Variants in CRIM1 observed in about 807,000 individuals in gnomAD.
The protein encoded by CRIM1 is cysteine-rich motor neuron 1 protein.
CRIM1 carries 32 observed loss-of-function variants against 116.4 expected under a neutral mutation model. The observed-to-expected ratio is 0.27, with a 90% CI of 0.21 to 0.37. The LOEUF is 0.37. Among genes scored for constraint, CRIM1 ranks in the 10% least tolerant of loss-of-function variants. CRIM1 has a pLI of 1.00. For missense variants in CRIM1, 1,331 were observed against 1,354.8 expected (o/e 0.98, Z 0.28); for synonymous variants, 590 against 509.2 (o/e 1.16, Z -2.13).
intron 4 of CRIM1, among the ~76,000 whole-genome samples, chr2:36,456,704 T>A (rs1677160445): frequency 6.6e-6 from 1 of 152,180 alleles, no homozygotes; most frequent in South Asian, 2.1e-4. Flanking sequence ...TTCTGCCAGA[T>A]CCCAGCTGTA....
chr2:36,490,676 G>A (rs3899034), intron 7 of CRIM1, among the ~76,000 whole-genome samples: 34,584 of 151,982 alleles, frequency 0.23, 4,200 homozygotes, highest in South Asian at 0.39. Context: ...ACTTCTGGGA[G>A]AGCTGGATCC....
In CRIM1 at chr2:36,537,556, C is replaced by G; in HGVS notation, c.2623+10C>G. 6.3e-7 allele frequency: 1 copy of G among 1,588,094 alleles called. No individual in the cohort carries two copies. ...TGCCCAATGTGTCCAGGTATCTAAG[C>G]CACCATCCTTCCATTTGTCAAGCTG... On this transcript the variant is annotated intron_variant, in intron 14 of 16. Transcript: ENST00000280527.
chr2:36,427,433 C>G (rs1674543008), intron 2 of CRIM1, among the ~76,000 whole-genome samples: 1 of 152,130 alleles, frequency 6.6e-6, no homozygotes, highest in Non-Finnish European at 1.5e-5. Flanking sequence ...AGCAGAGAAG[C>G]ACTGTTTGAA....
chr2:36,363,363 A>G (rs373795033), intron 1 of CRIM1, among the ~76,000 whole-genome samples: 39 of 152,274 alleles, frequency 2.6e-4, no homozygotes, highest in African/African-American at 8.4e-4. Flanking sequence ...CACATGGAAC[A>G]TGCTTACTAA....
rs1466489669 is a variant in CRIM1, at chr2:36,499,234, C to T, written c.1388C>T (p.Thr463Ile). The T allele has an allele frequency of 6.2e-7, 1 of 1,611,000 alleles. No homozygotes were observed. Among genetic ancestry groups the T allele is most frequent in the Admixed American group, 1.7e-5 (1 of 59,972 alleles). The change falls in exon 8 of 17, where the codon ACA becomes ATA. Residue 463 changes from threonine (T) to isoleucine (I), a missense_variant. Thr to Ile is a moderately conservative substitution (Grantham distance 89). Coordinates refer to ENST00000280527, the MANE Select transcript of CRIM1 (RefSeq NM_016441.3). ...CPVCEEPTII[T>I]VDPPACGELS... The stretch of plus-strand genomic sequence containing the variant: ...TTATTATTAGAACCAACCATCATCA[C>T]AGTTGATCCACCTGCATGTGGGGAG...
At chr2:36,369,340 G>T (rs1167594430) in intron 1 of CRIM1, 1 of 152,192 alleles carries the variant, frequency 6.6e-6, no homozygotes, top group Non-Finnish European at 1.5e-5. Flanking sequence ...GTGCCTGCTG[G>T]ATCTCAAGTG....
intron 8 of CRIM1, among the ~76,000 whole-genome samples, chr2:36,504,118 C>T (rs1281988406): frequency 6.6e-6 from 1 of 152,132 alleles, no homozygotes; most frequent in Admixed American, 6.5e-5. Flanking sequence ...AAGCAATCTG[C>T]CCGACTCGAT....
At chr2:36,424,008 A>C (rs2124872065) in intron 2 of CRIM1, among the ~76,000 whole-genome samples, 1 of 152,226 alleles carries the variant, frequency 6.6e-6, no homozygotes, top group African/African-American at 2.4e-5. Flanking sequence ...AAAAAAAGAG[A>C]TTTAAGAATA....
Position 36,548,533 on chromosome 2 carries a change from C to T in CRIM1, c.2943C>T (p.Ser981=). The T allele has an allele frequency of 1.3e-6, 2 of 1,566,640 alleles. No individual in the cohort carries two copies. The highest frequency in any genetic ancestry group is 1.7e-6 in the Non-Finnish European group (2 of 1,163,546). Residue 981 remains serine (S), a synonymous_variant, in exon 17 of 17, where the codon TCC becomes TCT. Transcript: ENST00000280527. ...CWYRTPTKPS[S]LNNQLVSVDC... is the part of the protein sequence containing the mutation. The stretch of plus-strand genomic sequence containing the variant: ...CTCCTCTCATTAAATAGCCTTCTTC[C>T]TTAAATAATCAGCTAGTATCTGTGG...
At chr2:36,380,042 AT>A (rs1670623067) in intron 1 of CRIM1, among the ~76,000 whole-genome samples, 1 of 152,108 alleles carries the variant, frequency 6.6e-6, no homozygotes, top group Admixed American at 6.5e-5. Flanking sequence ...TATGCTTCTT[AT>A]GACTCTGATG....
intron 14 of CRIM1, among the ~76,000 whole-genome samples, chr2:36,539,379 G>C (rs950457385): frequency 2.0e-5 from 3 of 152,330 alleles, no homozygotes; most frequent in African/African-American, 7.2e-5. Flanking sequence ...AGGTAACTCA[G>C]TGAGCATGGA....
chr2:36,422,731 A>G (rs1572696621), intron 2 of CRIM1, among the ~76,000 whole-genome samples: 1 of 152,244 alleles, frequency 6.6e-6, no homozygotes, highest in African/African-American at 2.4e-5. Context: ...TGACAGTTTT[A>G]TTCCTGGGAT....
chr2:36,452,881 C>A (rs1466355079), intron 4 of CRIM1, among the ~76,000 whole-genome samples: 1 of 152,114 alleles, frequency 6.6e-6, no homozygotes, highest in African/African-American at 2.4e-5. Flanking sequence ...ATTCCGTAAG[C>A]CTTTCAGTAA....
intron 1 of CRIM1, among the ~76,000 whole-genome samples, chr2:36,393,642 A>G (rs1671793813): frequency 6.6e-6 from 1 of 152,150 alleles, no homozygotes; most frequent in Admixed American, 6.5e-5. Context: ...GGAGCAGCTT[A>G]TTCTCCTGGG....
intron 1 of CRIM1, among the ~76,000 whole-genome samples, chr2:36,396,211 A>T (rs2148377067): frequency 6.6e-6 from 1 of 152,314 alleles, no homozygotes; most frequent in South Asian, 2.1e-4. Flanking sequence ...TGCCTGGCCA[A>T]AAAAGAGCTC....
chr2:36,543,777 A>G (rs111811836), intron 14 of CRIM1, among the ~76,000 whole-genome samples: 2 of 152,264 alleles, frequency 1.3e-5, no homozygotes, highest in African/African-American at 4.8e-5. Context: ...TATCTGATCA[A>G]ACTGGATAAT....
chr2:36,542,948 G>C (rs558865258), intron 14 of CRIM1, among the ~76,000 whole-genome samples: 1 of 152,254 alleles, frequency 6.6e-6, no homozygotes, highest in East Asian at 1.9e-4. Context: ...TTAAAAATTT[G>C]AGAGTCACTG....
At chr2:36,545,446 G>A (rs1295445981) in intron 15 of CRIM1, among the ~76,000 whole-genome samples, 1 of 152,120 alleles carries the variant, frequency 6.6e-6, no homozygotes, top group African/African-American at 2.4e-5. Flanking sequence ...CTGTAAGTAC[G>A]ACTATTCTTA....
intron 5 of CRIM1, among the ~76,000 whole-genome samples, chr2:36,471,805 G>A (rs916304617): frequency 1.3e-5 from 2 of 151,274 alleles, no homozygotes; most frequent in East Asian, 1.9e-4. Flanking sequence ...AGCCATCCTA[G>A]GCCTCATGTG....
Sources: gnomAD v4.1 joint callset for allele counts (sites outside exome capture counted in the v4.1 genomes callset) on GRCh38, gnomAD v4.1.1 for gene constraint, MANE v1.5 for transcripts, NCBI Gene and HGNC (gene_info 2026-07-23, HGNC 2026-07-21) for gene names.